Variants in SOX5 observed in about 807,000 individuals in gnomAD.
The protein encoded by SOX5 is SRY-box transcription factor 5, also known as transcription factor SOX-5.
Under a neutral mutation model 92.0 loss-of-function variants are expected in SOX5, and 9 were observed. The observed-to-expected ratio is 0.10, with a 90% CI of 0.06 to 0.17. The LOEUF (loss-of-function observed/expected upper bound fraction) is 0.17, where lower values mean the gene tolerates loss of function less well. SOX5 is among the 10% of genes least tolerant of loss of function. SOX5 has a pLI of 1.00. For synonymous variants in SOX5, 344 were observed against 336.3 expected, an observed-to-expected ratio of 1.02 and a Z score of -0.25; for missense variants, 642 against 944.5, an observed-to-expected ratio of 0.68 and a Z score of 4.20.
Position 23,575,580 on chromosome 12 carries a change from G to C in SOX5, c.1342+81C>G, listed in dbSNP as rs1233493702. 2.3e-6 allele frequency: 3 copies of C among 1,305,612 alleles called. No individual in the cohort carries two copies. In the African/African-American group the frequency reaches 4.4e-5, roughly 19 times the overall value. 80.9% of individuals were successfully genotyped at this position (1,305,612 alleles called of 1,614,324 possible). On this transcript the variant is annotated intron_variant, in intron 10 of 14. Coordinates refer to ENST00000451604, the MANE Select transcript of SOX5 (RefSeq NM_006940.6). ...TAGAATTCAAGCCGTGTATAGAGTG[G>C]GTGTGATGTGCCATTTAAAGATGAT...
intron 1 of SOX5, among the ~76,000 whole-genome samples, chr12:24,417,181 C>G (rs968434193): frequency 9.2e-5 from 14 of 152,170 alleles, no homozygotes; most frequent in Non-Finnish European, 2.1e-4. Flanking sequence ...CGCAAAGCTA[C>G]GAGACTGGAC....
chr12:24,165,385 A>G (rs1429986166), intron 4 of SOX5, among the ~76,000 whole-genome samples: 1 of 152,156 alleles, frequency 6.6e-6, no homozygotes, highest in Non-Finnish European at 1.5e-5. Flanking sequence ...TGTTTCATAA[A>G]CCATAAAAAT....
At chr12:24,240,200 A>G (rs1965305898) in intron 3 of SOX5, among the ~76,000 whole-genome samples, 1 of 152,148 alleles carries the variant, frequency 6.6e-6, no homozygotes, top group Non-Finnish European at 1.5e-5. Context: ...CATATGCTCA[A>G]AATTAAAACC....
At chr12:23,990,341 C>T (rs1448675221) in intron 4 of SOX5, among the ~76,000 whole-genome samples, 1 of 152,164 alleles carries the variant, frequency 6.6e-6, no homozygotes, top group Non-Finnish European at 1.5e-5. Context: ...CATGTCTAAA[C>T]TCCTTAGTGT....
intron 3 of SOX5, among the ~76,000 whole-genome samples, chr12:23,820,514 A>T (rs1486890820): frequency 2.6e-5 from 4 of 152,166 alleles, no homozygotes; most frequent in Admixed American, 2.0e-4. Context: ...TATGTCCTGA[A>T]TTGTATTGAC....
At chr12:23,795,571 G>A (rs1567825116) in intron 3 of SOX5, among the ~76,000 whole-genome samples, 1 of 152,064 alleles carries the variant, frequency 6.6e-6, no homozygotes, top group Admixed American at 6.6e-5. Flanking sequence ...TGTGGGATAA[G>A]CACGTATGTG....
At chr12:24,156,815 A>G (rs1322675231) in intron 4 of SOX5, among the ~76,000 whole-genome samples, 1 of 152,170 alleles carries the variant, frequency 6.6e-6, no homozygotes, top group African/African-American at 2.4e-5. Flanking sequence ...ACAGCATTAA[A>G]AATCTATGCA....
chr12:24,354,518 T>C (rs1409445683), intron 2 of SOX5, among the ~76,000 whole-genome samples: 2 of 152,224 alleles, frequency 1.3e-5, no homozygotes, highest in African/African-American at 4.8e-5. Context: ...CCTCTGTCAG[T>C]ACAGAACATT....
intron 3 of SOX5, among the ~76,000 whole-genome samples, chr12:24,229,993 T>C (rs1328720918): frequency 6.6e-6 from 1 of 152,070 alleles, no homozygotes; most frequent in Non-Finnish European, 1.5e-5. Context: ...AGAGAAATCA[T>C]CAAAAATTTC....
At chr12:24,176,560 C>T (rs1317884014) in intron 4 of SOX5, among the ~76,000 whole-genome samples, 1 of 152,184 alleles carries the variant, frequency 6.6e-6, no homozygotes, top group East Asian at 1.9e-4. Context: ...CTACAATGAG[C>T]AAATTGCCTA....
intron 4 of SOX5, among the ~76,000 whole-genome samples, chr12:24,017,207 C>T (rs1032838900): frequency 2.0e-5 from 3 of 152,178 alleles, no homozygotes; most frequent in Admixed American, 1.3e-4. Context: ...CCTCTTTATC[C>T]CTGTGCATTT....
intron 11 of SOX5, among the ~76,000 whole-genome samples, chr12:23,547,744 G>C (rs1476994316): frequency 6.6e-6 from 1 of 152,046 alleles, no homozygotes; most frequent in African/African-American, 2.4e-5. Flanking sequence ...TAGAGAAACT[G>C]GAGACAAAAT....
intron 1 of SOX5, among the ~76,000 whole-genome samples, chr12:24,491,046 C>T (rs1051542666): frequency 4.0e-4 from 52 of 129,710 alleles, no homozygotes; most frequent in African/African-American, 1.7e-3. Flanking sequence ...AACAAAAACC[C>T]ACTATCTCTT....
chr12:24,257,868 T>C (rs1191964744), intron 3 of SOX5, among the ~76,000 whole-genome samples: 1 of 152,124 alleles, frequency 6.6e-6, no homozygotes, highest in Non-Finnish European at 1.5e-5. Flanking sequence ...AACACGGTTT[T>C]ATTTTCTTTT....
At chr12:24,072,136 T>A (rs1941872903) in intron 4 of SOX5, among the ~76,000 whole-genome samples, 1 of 152,210 alleles carries the variant, frequency 6.6e-6, no homozygotes, top group East Asian at 1.9e-4. Context: ...AGTTTGCAAT[T>A]GAATTTGATA....
chr12:23,744,882 T>C (rs1181950220), intron 4 of SOX5, among the ~76,000 whole-genome samples: 1 of 152,286 alleles, frequency 6.6e-6, no homozygotes, highest in Admixed American at 6.5e-5. Context: ...TCAACAGGGT[T>C]GATCTGTTCC....
At chr12:24,361,084 C>T (rs562703765) in intron 2 of SOX5, among the ~76,000 whole-genome samples, 2 of 152,254 alleles carry the variant, frequency 1.3e-5, no homozygotes, top group African/African-American at 2.4e-5. Context: ...CTCCTCGTAT[C>T]GACCAGCACA....
chr12:23,582,500 T>G (rs1950185006), intron 9 of SOX5, among the ~76,000 whole-genome samples: 1 of 152,156 alleles, frequency 6.6e-6, no homozygotes, highest in African/African-American at 2.4e-5. Flanking sequence ...TCCTTATTAG[T>G]AGGTTCCTAA....
intron 3 of SOX5, among the ~76,000 whole-genome samples, chr12:24,222,987 A>G (rs75114250): frequency 1.4e-3 from 207 of 152,332 alleles, no homozygotes; most frequent in Non-Finnish European, 2.5e-3. Context: ...CTGACTAAGC[A>G]TCACCACTTT....
Sources: gnomAD v4.1 joint callset for allele counts (sites outside exome capture counted in the v4.1 genomes callset) on GRCh38, gnomAD v4.1.1 for gene constraint, MANE v1.5 for transcripts, NCBI Gene and HGNC (gene_info 2026-07-23, HGNC 2026-07-21) for gene names.